RBFOX1: variants seen among roughly 807,000 people sequenced by gnomAD.
RBFOX1 encodes RNA binding fox-1 homolog 1, also known as RNA binding protein fox-1 homolog 1.
Under a neutral mutation model 57.7 loss-of-function variants are expected in RBFOX1, and 8 were observed. The observed-to-expected ratio is 0.14, with a 90% CI of 0.08 to 0.25. The LOEUF (loss-of-function observed/expected upper bound fraction) is 0.25, where lower values mean the gene tolerates loss of function less well. Among genes scored for constraint, RBFOX1 ranks in the 10% least tolerant of loss-of-function variants. The pLI is 1.00. For synonymous variants in RBFOX1, 326 were observed against 222.4 expected, an observed-to-expected ratio of 1.47 and a Z score of -4.15; for missense variants, 611 against 548.5, an observed-to-expected ratio of 1.11 and a Z score of -1.14.
chr16:7,028,635 A>G (rs934894499), intron 3 of RBFOX1, among the ~76,000 whole-genome samples: 2 of 140,710 alleles, frequency 1.4e-5, no homozygotes, highest in Non-Finnish European at 3.1e-5. Flanking sequence ...AAAAAAAAAA[A>G]TTGAACCACA....
intron 2 of RBFOX1, chr16:6,577,418 T>A (rs960575787): frequency 4.6e-5 from 7 of 152,236 alleles, no homozygotes; most frequent in Non-Finnish European, 8.8e-5. Context: ...TGCTTAGAAC[T>A]TTTTATGTGC....
At chr16:7,628,873 A>T (rs564738297) in intron 10 of RBFOX1, among the ~76,000 whole-genome samples, 2 of 152,236 alleles carry the variant, frequency 1.3e-5, no homozygotes, top group African/African-American at 4.8e-5. Flanking sequence ...TTGGCCTCCC[A>T]AAGTACTGGA....
intron 3 of RBFOX1, among the ~76,000 whole-genome samples, chr16:5,855,829 A>T (rs1208036048): frequency 6.6e-6 from 1 of 151,924 alleles, no homozygotes; most frequent in Non-Finnish European, 1.5e-5. Context: ...TATTTTAACA[A>T]TATTTATTAA....
At chr16:6,824,983 G>GTTTTCTTTTTTT (rs2091915411) in intron 3 of RBFOX1, among the ~76,000 whole-genome samples, 1 of 36,878 alleles carries the variant, frequency 2.7e-5, no homozygotes, top group Non-Finnish European at 5.9e-5. Context: ...TTCTTTCTTG[G>GTTTTCTTTTTTT]TTTTTTTTTT....
intron 4 of RBFOX1, among the ~76,000 whole-genome samples, chr16:7,325,909 C>G (rs1410188420): frequency 6.6e-6 from 1 of 152,172 alleles, no homozygotes; most frequent in Non-Finnish European, 1.5e-5. Context: ...CTCACCTACG[C>G]TGGATGGAGT....
rs896842627 is a variant in RBFOX1 at position 6,902,772 on chromosome 16, T to G, written c.-15-149285T>G. On this transcript the variant is annotated intron_variant, in intron 3 of 15. Coordinates refer to ENST00000550418, the MANE Select transcript of RBFOX1 (RefSeq NM_018723.4). ...ACACATCAAGTTTTAAAGGAACCCT[T>G]CAACTCATCATGTCATCAGAACCAA... 2.0e-5 allele frequency among the ~76,000 whole-genome samples: 3 copies of G among 152,132 alleles called. No individual in the cohort carries two copies. The South Asian group carries it at 6.2e-4, about 32-fold the overall frequency.
chr16:5,725,320 T>C (rs2052101650), intron 3 of RBFOX1, among the ~76,000 whole-genome samples: 1 of 152,192 alleles, frequency 6.6e-6, no homozygotes, highest in African/African-American at 2.4e-5. Flanking sequence ...CTTAGCTCAC[T>C]GTAGGCTTGA....
intron 4 of RBFOX1, among the ~76,000 whole-genome samples, chr16:7,065,291 G>T (rs1296144758): frequency 2.0e-5 from 3 of 152,052 alleles, no homozygotes; most frequent in Non-Finnish European, 1.5e-5. Context: ...TCCTTTTAGG[G>T]ATGATCTGAT....
chr16:5,951,611 A>G (rs1196745219), intron 4 of RBFOX1, among the ~76,000 whole-genome samples: 1 of 152,074 alleles, frequency 6.6e-6, no homozygotes, highest in African/African-American at 2.4e-5. Context: ...TGTTAAAAAG[A>G]GTACTCCAGA....
Position 7,662,118 on chromosome 16 carries a change from G to A in RBFOX1, c.891-2811G>A, listed in dbSNP as rs538709450. Reference sequence around the variant, plus strand: ...GGCCCACACCCATGCCATGTGCCCCGTTGGAACAGCCTCCAAGGCCTGGGA... The same window carrying A: ...GGCCCACACCCATGCCATGTGCCCCATTGGAACAGCCTCCAAGGCCTGGGA... On this transcript the variant is annotated intron_variant, in intron 12 of 15. Coordinates refer to ENST00000550418, the MANE Select transcript of RBFOX1 (RefSeq NM_018723.4). Among the ~76,000 whole-genome samples, 34 of 152,260 alleles carry A rather than the reference G, an allele frequency of 2.2e-4. No individual in the cohort carries two copies. In the South Asian group the frequency reaches 3.7e-3, roughly 17 times the overall value.
chr16:6,528,167 C>A (rs573161621), intron 2 of RBFOX1, among the ~76,000 whole-genome samples: 2 of 152,066 alleles, frequency 1.3e-5, no homozygotes, highest in African/African-American at 4.8e-5. Flanking sequence ...TCTTTGTCTT[C>A]GGCACTTTTA....
chr16:5,474,826 C>G (rs138685247), intron 2 of RBFOX1, among the ~76,000 whole-genome samples: 55 of 152,192 alleles, frequency 3.6e-4, no homozygotes, highest in African/African-American at 1.3e-3. Context: ...TGGTACTGGC[C>G]AAATATTGTC....
rs78485405 is a variant in RBFOX1, at chr16:6,233,607, C to T, written c.-126-83388C>T. ...CACTAAGTCTCCACACCACACCAGT[C>T]GCCTTGATTTTTTATCAAAGAAATG... On this transcript the variant is annotated intron_variant, in intron 1 of 15. Coordinates refer to ENST00000550418, the MANE Select transcript of RBFOX1 (RefSeq NM_018723.4). Among the ~76,000 whole-genome samples the T allele has an allele frequency of 9.9e-3, 1,503 of 152,138 alleles. 9 individuals carry two copies. Among genetic ancestry groups the T allele is most frequent in the Non-Finnish European group, 0.014 (933 of 67,988 alleles).
At chr16:6,798,393 T>A (rs974369157) in intron 3 of RBFOX1, among the ~76,000 whole-genome samples, 7 of 152,132 alleles carry the variant, frequency 4.6e-5, no homozygotes, top group African/African-American at 1.7e-4. Context: ...ACAGAAGAAG[T>A]AGAGGCTATC....
intron 2 of RBFOX1, among the ~76,000 whole-genome samples, chr16:6,336,181 ATTTTTTTTTTTTTTTTTTTTTTTTTTT>A (rs1156246510): frequency 3.7e-5 from 1 of 27,012 alleles, no homozygotes; most frequent in African/African-American, 1.3e-4. Context: ...ATATATATAT[ATTTTTTTTTTTTTTTTTTTTTTTTTTT>A]TTTTTTTTGA....
intron 1 of RBFOX1, among the ~76,000 whole-genome samples, chr16:6,027,002 T>C (rs2095209477): frequency 1.3e-5 from 2 of 152,228 alleles, no homozygotes; most frequent in African/African-American, 4.8e-5. Flanking sequence ...AAATTAGATC[T>C]TTGCCAGCAT....
Position 7,254,674 on chromosome 16 carries a change from C to G in RBFOX1, c.27+202576C>G, listed in dbSNP as rs980389728. 1.5e-4 allele frequency among the ~76,000 whole-genome samples: 23 copies of G among 152,090 alleles called. 1 individual carries two copies. The highest frequency in any genetic ancestry group is 8.5e-4 in the Admixed American group (13 of 15,280). ...CTTCTGATTGGAGGTGAAAGCCATT[C>G]AAATCTAAGTTAGAAAGACATTCAC... On this transcript the variant is annotated intron_variant, in intron 4 of 15. Coordinates refer to ENST00000550418, the MANE Select transcript of RBFOX1 (RefSeq NM_018723.4).
At chr16:6,313,495 G>T (rs987250944) in intron 1 of RBFOX1, among the ~76,000 whole-genome samples, 1 of 152,168 alleles carries the variant, frequency 6.6e-6, no homozygotes, top group African/African-American at 2.4e-5. Flanking sequence ...CCTGTTTAGA[G>T]AGTCAGAGTT....
At chr16:6,737,867 A>G (rs1188304040) in intron 3 of RBFOX1, among the ~76,000 whole-genome samples, 15 of 152,196 alleles carry the variant, frequency 9.9e-5, no homozygotes, top group Admixed American at 9.2e-4. Flanking sequence ...AAAATGTACT[A>G]TAATATTTTC....
Sources: allele counts gnomAD v4.1 joint callset (sites outside exome capture counted in the v4.1 genomes callset), GRCh38; gene constraint gnomAD v4.1.1; transcripts MANE v1.5; gene names NCBI Gene and HGNC (gene_info 2026-07-23, HGNC 2026-07-21).